The following SLIT3 variants were observed in gnomAD, a reference collection of about 807,000 sequenced individuals.
SLIT3 encodes the protein slit guidance ligand 3.
In SLIT3, 68 loss-of-function variants were observed where a neutral mutation model predicts 184.0. The ratio of observed to expected loss-of-function variants is 0.37; its 90% CI spans 0.30 to 0.45. The LOEUF (loss-of-function observed/expected upper bound fraction) is 0.45, where lower values mean the gene tolerates loss of function less well. Ranked by LOEUF, SLIT3 falls within the 20% of genes least tolerant of loss-of-function variation. The pLI is 1.00. For synonymous variants in SLIT3, 831 were observed against 828.6 expected (o/e 1.00, Z -0.05); for missense variants, 1,707 against 2,026.0 (o/e 0.84, Z 3.02).
chr5:169,172,202 C>T (rs1321610236), intron 4 of SLIT3, among the ~76,000 whole-genome samples: 6 of 152,150 alleles, frequency 3.9e-5, no homozygotes, highest in Admixed American at 6.5e-5. Flanking sequence ...CACAGAATTG[C>T]CAACCTGCAT....
chr5:168,738,423 T>C (rs1313469566), intron 20 of SLIT3, among the ~76,000 whole-genome samples: 1 of 152,250 alleles, frequency 6.6e-6, no homozygotes, highest in Non-Finnish European at 1.5e-5. Context: ...ATTCCTTTAA[T>C]GTCCCGTATG....
At chr5:169,232,131 G>A (rs541303413) in intron 3 of SLIT3, among the ~76,000 whole-genome samples, 7 of 152,224 alleles carry the variant, frequency 4.6e-5, no homozygotes, top group South Asian at 2.1e-4. Context: ...GTATTTTGGC[G>A]AATTATTTAT....
At chr5:168,784,345 C>G (rs972839658) in intron 12 of SLIT3, among the ~76,000 whole-genome samples, 7 of 152,162 alleles carry the variant, frequency 4.6e-5, no homozygotes, top group African/African-American at 1.7e-4. Flanking sequence ...CCTTAAAAGC[C>G]CACCAAAGGC....
chr5:168,696,535 T>C, intron 27 of SLIT3, 104 bp from the exon 28 acceptor site: 2 of 1,381,180 alleles, frequency 1.4e-6, no homozygotes, highest in Non-Finnish European at 2.0e-6. Context: ...AATTAGTTTT[T>C]CCTCCAGATG....
intron 5 of SLIT3, among the ~76,000 whole-genome samples, chr5:168,857,868 T>C (rs113592782): frequency 0.013 from 1,981 of 152,262 alleles, 43 homozygotes; most frequent in African/African-American, 0.045. Context: ...GGTGTGCCTA[T>C]CAGGTAGAGA....
chr5:168,960,776 G>A (rs1171930391), intron 4 of SLIT3, among the ~76,000 whole-genome samples: 1 of 152,214 alleles, frequency 6.6e-6, no homozygotes, highest in Non-Finnish European at 1.5e-5. Context: ...ATTGGTGAAA[G>A]GAAGCTATCT....
intron 4 of SLIT3, among the ~76,000 whole-genome samples, chr5:169,159,037 C>T (rs1762394258): frequency 6.6e-6 from 1 of 151,070 alleles, no homozygotes; most frequent in Admixed American, 6.6e-5. Flanking sequence ...AATCCCAGTG[C>T]TTTGGGAGGC....
chr5:169,014,999 T>C, intron 4 of SLIT3, among the ~76,000 whole-genome samples: 1 of 152,032 alleles, frequency 6.6e-6, no homozygotes, highest in Non-Finnish European at 1.5e-5. Context: ...AATAATGACC[T>C]TGTAGATTAC....
intron 3 of SLIT3, among the ~76,000 whole-genome samples, chr5:169,208,452 C>T (rs184634425): frequency 5.1e-4 from 78 of 151,884 alleles, no homozygotes; most frequent in East Asian, 5.8e-4. Flanking sequence ...TCATATGGAA[C>T]GCAAAAAAGA....
intron 4 of SLIT3, among the ~76,000 whole-genome samples, chr5:169,076,081 C>CCA (rs1171317040): frequency 3.9e-5 from 6 of 152,316 alleles, no homozygotes; most frequent in African/African-American, 1.4e-4. Flanking sequence ...TGAAGGTGGC[C>CCA]CACCAAGGGC....
At chr5:169,087,999 C>T (rs979994920) in intron 4 of SLIT3, among the ~76,000 whole-genome samples, 3 of 152,202 alleles carry the variant, frequency 2.0e-5, no homozygotes, top group Non-Finnish European at 4.4e-5. Context: ...CTCTGGGCCA[C>T]CTATAGGCCA....
chr5:168,845,033 C>G (rs558031349), intron 5 of SLIT3, among the ~76,000 whole-genome samples: 1 of 151,328 alleles, frequency 6.6e-6, no homozygotes, highest in African/African-American at 2.4e-5. Flanking sequence ...TTGGAGGTCA[C>G]TGCTCTGCCC....
chr5:168,969,445 A>G lies in SLIT3; in HGVS notation c.414-86109T>C, dbSNP rs114871033. 6.5e-3 allele frequency among the ~76,000 whole-genome samples: 984 copies of G among 152,368 alleles called. 16 individuals are homozygous for G. Among genetic ancestry groups the G allele is most frequent in the African/African-American group, 0.022 (932 of 41,594 alleles). On this transcript the variant is annotated intron_variant, in intron 4 of 35. Transcript: ENST00000519560. Reference sequence around the variant, plus strand: ...AAGCTAACCTGTGCAATCCTTGGCCACAGGCGGTTCTGTTGTTGACATCTA... The same window carrying G: ...AAGCTAACCTGTGCAATCCTTGGCCGCAGGCGGTTCTGTTGTTGACATCTA...
intron 4 of SLIT3, among the ~76,000 whole-genome samples, chr5:169,058,375 G>A (rs1758076278): frequency 6.6e-6 from 1 of 152,194 alleles, no homozygotes. Flanking sequence ...GGTGAGTATG[G>A]TTTCCATTGG....
chr5:168,792,534 T>C (rs1016082039), intron 10 of SLIT3, among the ~76,000 whole-genome samples: 1 of 152,204 alleles, frequency 6.6e-6, no homozygotes, highest in African/African-American at 2.4e-5. Context: ...TTCCAGACTG[T>C]TCAGAATAGA....
chr5:169,032,049 G>A (rs887906071), intron 4 of SLIT3, among the ~76,000 whole-genome samples: 9 of 152,140 alleles, frequency 5.9e-5, no homozygotes, highest in Admixed American at 3.3e-4. Context: ...GATGTGTAAC[G>A]TAGGACAGGC....
At chr5:169,003,643 G>A (rs959103908) in intron 4 of SLIT3, among the ~76,000 whole-genome samples, 5 of 152,304 alleles carry the variant, frequency 3.3e-5, no homozygotes, top group African/African-American at 9.6e-5. Context: ...GAAGAGTTTC[G>A]TCTCACCCAT....
Position 169,223,015 on chromosome 5 carries a change from T to C in SLIT3, c.341+21690A>G, listed in dbSNP as rs1459144500. Among the ~76,000 whole-genome samples the C allele has an allele frequency of 2.0e-5, 3 of 152,254 alleles. No homozygotes were observed. The East Asian group carries it at 5.8e-4, about 29-fold the overall frequency. On this transcript the variant is annotated intron_variant, in intron 3 of 35. Transcript: ENST00000519560. ...TACATGGAAAATTCCATGCCACAGTTCAAAGGGGCACTGTGACCTAATAAA... is the reference window on the plus strand; with the variant it reads ...TACATGGAAAATTCCATGCCACAGTCCAAAGGGGCACTGTGACCTAATAAA...
chr5:169,191,414 G>A (rs1183679129), intron 4 of SLIT3, among the ~76,000 whole-genome samples: 2 of 152,160 alleles, frequency 1.3e-5, no homozygotes, highest in African/African-American at 4.8e-5. Context: ...AGTGCTTGTT[G>A]CAACTCCTAG....
Sources: allele counts gnomAD v4.1 joint callset (sites outside exome capture counted in the v4.1 genomes callset), GRCh38; gene constraint gnomAD v4.1.1; transcripts MANE v1.5; gene names NCBI Gene and HGNC (gene_info 2026-07-23, HGNC 2026-07-21).